Variants in RNF115 observed in about 807,000 individuals in gnomAD.
The protein encoded by RNF115 is ring finger protein 115.
Under a neutral mutation model 39.2 loss-of-function variants are expected in RNF115, and 31 were observed. The ratio of observed to expected loss-of-function variants is 0.79; its 90% CI spans 0.59 to 1.07. The LOEUF (loss-of-function observed/expected upper bound fraction) is 1.07, where lower values mean the gene tolerates loss of function less well. RNF115 is among the 50% of genes least tolerant of loss of function. RNF115 has a pLI of 0.00. For missense variants in RNF115, 384 were observed against 381.7 expected, an observed-to-expected ratio of 1.01 and a Z score of -0.05; for synonymous variants, 124 against 131.0, an observed-to-expected ratio of 0.95 and a Z score of 0.37.
In RNF115 at chr1:145,790,867, C is replaced by T. The variant is rs587615211; in HGVS notation, c.103-1901G>A. On this transcript the variant is annotated intron_variant, in intron 1 of 8. Transcript: ENST00000582693. ...AGAAACTGCTACTTTTTAGTCTGGG[C>T]GCGGTGGCTCACGCCTGCAATCCTA... 1.2e-4 allele frequency among the ~76,000 whole-genome samples: 18 copies of T among 151,964 alleles called. No homozygotes were observed. The South Asian group carries it at 2.1e-3, about 18-fold the overall frequency.
intron 4 of RNF115, among the ~76,000 whole-genome samples, chr1:145,765,111 T>C (rs992385492): frequency 3.5e-4 from 54 of 152,338 alleles, no homozygotes; most frequent in African/African-American, 1.0e-3. Flanking sequence ...TGTTGATCTA[T>C]GACCTTACCC....
chr1:145,799,033 T>C (rs1475522409), intron 1 of RNF115, among the ~76,000 whole-genome samples: 2 of 152,012 alleles, frequency 1.3e-5, no homozygotes, highest in Non-Finnish European at 1.5e-5. Flanking sequence ...ATTCATTTAT[T>C]AGTTATAACA....
rs587636281 is a variant in RNF115, at chr1:145,779,967, C to A, written c.219+4572G>T. On this transcript the variant is annotated intron_variant, in intron 3 of 8. Coordinates refer to ENST00000582693, the MANE Select transcript of RNF115 (RefSeq NM_014455.4). ...TTAGGCCCAGGCACGGTGACTCAAGCCCGTAATCCCAGCACTCTGGGAGGC... is the reference window on the plus strand; with the variant it reads ...TTAGGCCCAGGCACGGTGACTCAAGACCGTAATCCCAGCACTCTGGGAGGC... Among the ~76,000 whole-genome samples the A allele has an allele frequency of 9.2e-4, 140 of 152,172 alleles. 2 individuals carry two copies. Among genetic ancestry groups the A allele is most frequent in the African/African-American group, 3.2e-3 (133 of 41,526 alleles).
chr1:145,794,580 T>C (rs782273602), intron 1 of RNF115, among the ~76,000 whole-genome samples: 22 of 140,128 alleles, frequency 1.6e-4, no homozygotes, highest in Admixed American at 2.3e-4. Context: ...TGCGATCTCC[T>C]ATTGGAATCA....
At chr1:145,798,658 T>G (rs1463479669) in intron 1 of RNF115, among the ~76,000 whole-genome samples, 1 of 152,230 alleles carries the variant, frequency 6.6e-6, no homozygotes, top group Non-Finnish European at 1.5e-5. Flanking sequence ...TAACGTGAGA[T>G]TCCAAATTAA....
intron 1 of RNF115, among the ~76,000 whole-genome samples, chr1:145,812,635 G>C (rs1553722842): frequency 6.6e-6 from 1 of 150,400 alleles, no homozygotes; most frequent in African/African-American, 2.5e-5. Context: ...ACTCCAGCCT[G>C]GGTGACAGAG....
intron 3 of RNF115, among the ~76,000 whole-genome samples, chr1:145,777,228 T>C (rs1297166357): frequency 1.3e-5 from 2 of 152,190 alleles, no homozygotes; most frequent in Non-Finnish European, 1.5e-5. Flanking sequence ...CATTATAATA[T>C]AAAAATGAAA....
intron 1 of RNF115, among the ~76,000 whole-genome samples, chr1:145,808,479 T>C (rs1649555944): frequency 1.3e-5 from 2 of 152,234 alleles, no homozygotes; most frequent in South Asian, 2.1e-4. Context: ...TGGCCATTTA[T>C]ATGCCTTCTT....
chr1:145,789,944 C>T (rs887810160), intron 1 of RNF115, among the ~76,000 whole-genome samples: 20 of 150,230 alleles, frequency 1.3e-4, no homozygotes, highest in Non-Finnish European at 2.2e-4. Flanking sequence ...GCGATCCACC[C>T]GCCTCGGCCT....
At chr1:145,788,808 G>T in intron 2 of RNF115, 100 bp downstream of exon 2, 1 of 852,906 alleles carries the variant, frequency 1.2e-6, no homozygotes, top group Non-Finnish European at 2.0e-6. Flanking sequence ...TCTCTCTGTA[G>T]AGTGTAAGTT....
At chr1:145,792,757 G>A (rs916944298) in intron 1 of RNF115, among the ~76,000 whole-genome samples, 4 of 152,184 alleles carry the variant, frequency 2.6e-5, no homozygotes, top group African/African-American at 9.7e-5. Context: ...GAAGGGAATG[G>A]TATGAATGTG....
At chr1:145,790,303 G>A (rs1648603720) in intron 1 of RNF115, among the ~76,000 whole-genome samples, 1 of 151,630 alleles carries the variant, frequency 6.6e-6, no homozygotes, top group African/African-American at 2.4e-5. Flanking sequence ...ACCACGCCTG[G>A]CTAATTTTGT....
chr1:145,818,134 G>A (rs1553723875), intron 1 of RNF115, among the ~76,000 whole-genome samples: 1 of 151,802 alleles, frequency 6.6e-6, no homozygotes, highest in Non-Finnish European at 1.5e-5. Flanking sequence ...GGATTGCTGG[G>A]CAGAATGGTA....
At chr1:145,792,794 A>C (rs1476251158) in intron 1 of RNF115, among the ~76,000 whole-genome samples, 1 of 152,218 alleles carries the variant, frequency 6.6e-6, no homozygotes, top group African/African-American at 2.4e-5. Flanking sequence ...GATAGGGGCC[A>C]GAATGTAGGA....
At chr1:145,795,165 C>T (rs1207782853) in intron 1 of RNF115, among the ~76,000 whole-genome samples, 1 of 151,922 alleles carries the variant, frequency 6.6e-6, no homozygotes, top group Middle Eastern at 3.2e-3. Flanking sequence ...TGTTACAGCT[C>T]TTAAAGTTGG....
At chr1:145,763,024 G>A (rs1658592574) in intron 4 of RNF115, among the ~76,000 whole-genome samples, 1 of 151,960 alleles carries the variant, frequency 6.6e-6, no homozygotes. Context: ...GAGGGAGAAG[G>A]GCAAAGGTTG....
At chr1:145,805,803 G>A (rs1649434573) in intron 1 of RNF115, among the ~76,000 whole-genome samples, 1 of 151,658 alleles carries the variant, frequency 6.6e-6, no homozygotes, top group Non-Finnish European at 1.5e-5. Context: ...TTACAGACAA[G>A]GAAAATGAAG....
Position 145,817,603 on chromosome 1 carries a change from A to C in RNF115, c.102+6169T>G, listed in dbSNP as rs1295447391. On this transcript the variant is annotated intron_variant, in intron 1 of 8. Coordinates refer to ENST00000582693, the MANE Select transcript of RNF115 (RefSeq NM_014455.4). ...TCATTTTGCTCTTTGTTTTCTACAC[A>C]TATTTTTTTTGATTTTAGGTTTGGG... 2.9e-5 allele frequency among the ~76,000 whole-genome samples: 4 copies of C among 137,870 alleles called. No individual in the cohort carries two copies. In the East Asian group the frequency reaches 8.1e-4, roughly 28 times the overall value. 90.4% of individuals were successfully genotyped at this position (137,870 alleles called of 152,430 possible).
chr1:145,801,298 A>C (rs2101589998), intron 1 of RNF115, among the ~76,000 whole-genome samples: 1 of 152,328 alleles, frequency 6.6e-6, no homozygotes, highest in East Asian at 1.9e-4. Flanking sequence ...GGCCAGGCAC[A>C]GTGGCTCAGC....
Sources: allele counts gnomAD v4.1 joint callset (sites outside exome capture counted in the v4.1 genomes callset), GRCh38; gene constraint gnomAD v4.1.1; transcripts MANE v1.5; gene names NCBI Gene and HGNC (gene_info 2026-07-23, HGNC 2026-07-21).